GRID2: variants seen among roughly 807,000 people sequenced by gnomAD.
The protein encoded by GRID2 is glutamate receptor ionotropic, delta-2.
In GRID2, 33 loss-of-function variants were observed where a neutral mutation model predicts 114.8. The ratio of observed to expected loss-of-function variants is 0.29; its 90% CI spans 0.22 to 0.38. GRID2 has a LOEUF of 0.38. Ranked by LOEUF, GRID2 falls within the 10% of genes least tolerant of loss-of-function variation. The pLI, the probability that GRID2 is intolerant of heterozygous loss-of-function variation, is 1.00. For missense variants in GRID2, 1,184 were observed against 1,257.7 expected (o/e 0.94, Z 0.89); for synonymous variants, 505 against 449.9 (o/e 1.12, Z -1.55).
At chr4:93,458,790 A>C (rs1723441729) in intron 11 of GRID2, among the ~76,000 whole-genome samples, 1 of 152,200 alleles carries the variant, frequency 6.6e-6, no homozygotes, top group Non-Finnish European at 1.5e-5. Context: ...ATGATTGTAG[A>C]TCATTTTGAT....
At chr4:93,126,944 C>T (rs944456098) in intron 4 of GRID2, among the ~76,000 whole-genome samples, 1 of 152,050 alleles carries the variant, frequency 6.6e-6, no homozygotes, top group Non-Finnish European at 1.5e-5. Context: ...TATTGCTGTC[C>T]TATGATAATT....
chr4:93,765,348 G>A (rs1406658795), intron 14 of GRID2, among the ~76,000 whole-genome samples: 1 of 151,974 alleles, frequency 6.6e-6, no homozygotes, highest in South Asian at 2.1e-4. Context: ...GGGTCAGATG[G>A]TCCAATTTCT....
intron 11 of GRID2, among the ~76,000 whole-genome samples, chr4:93,483,047 G>A (rs1317044681): frequency 6.6e-6 from 1 of 151,884 alleles, no homozygotes; most frequent in Admixed American, 6.6e-5. Context: ...AAGGTGACTG[G>A]CATAAATGAA....
chr4:93,041,423 A>G (rs1725504619), intron 2 of GRID2, among the ~76,000 whole-genome samples: 1 of 152,180 alleles, frequency 6.6e-6, no homozygotes, highest in Admixed American at 6.5e-5. Context: ...TACTTAGGTT[A>G]GTGTCAACTG....
At chr4:92,900,259 G>A (rs1478275853) in intron 2 of GRID2, among the ~76,000 whole-genome samples, 2 of 152,056 alleles carry the variant, frequency 1.3e-5, no homozygotes, top group African/African-American at 4.8e-5. Context: ...ATCATTTAAC[G>A]TTTTATCTAC....
intron 2 of GRID2, among the ~76,000 whole-genome samples, chr4:92,692,365 T>G (rs1734219817): frequency 6.6e-6 from 1 of 152,172 alleles, no homozygotes; most frequent in African/African-American, 2.4e-5. Flanking sequence ...TTTTATCTTT[T>G]ATATAGTCCA....
chr4:92,760,384 T>C (rs1459805925), intron 2 of GRID2, among the ~76,000 whole-genome samples: 1 of 152,064 alleles, frequency 6.6e-6, no homozygotes, highest in Non-Finnish European at 1.5e-5. Context: ...CAGAAGGCTC[T>C]CGATCCTTTT....
chr4:92,677,965 C>A (rs1733460535), intron 2 of GRID2, among the ~76,000 whole-genome samples: 1 of 152,036 alleles, frequency 6.6e-6, no homozygotes, highest in Admixed American at 6.6e-5. Context: ...TCCAGTCATT[C>A]CTTAGTCACT....
At chr4:93,150,110 G>C (rs1225347186) in intron 4 of GRID2, among the ~76,000 whole-genome samples, 2 of 152,272 alleles carry the variant, frequency 1.3e-5, no homozygotes, top group East Asian at 3.9e-4. Context: ...TTAAGAGCTA[G>C]AGTTGCCCCA....
intron 7 of GRID2, among the ~76,000 whole-genome samples, chr4:93,237,735 CAT>C (rs1490178145): frequency 6.6e-6 from 1 of 151,818 alleles, no homozygotes; most frequent in East Asian, 1.9e-4. Context: ...GAACATCTGT[CAT>C]ATTGAATGAA....
chr4:92,414,257 C>T (rs1731482660), intron 1 of GRID2, among the ~76,000 whole-genome samples: 1 of 151,980 alleles, frequency 6.6e-6, no homozygotes, highest in Non-Finnish European at 1.5e-5. Context: ...AGAAAACATA[C>T]TAGAGATATA....
intron 14 of GRID2, among the ~76,000 whole-genome samples, chr4:93,694,378 G>T (rs761900154): frequency 1.2e-4 from 18 of 152,114 alleles, no homozygotes; most frequent in Admixed American, 2.6e-4. Context: ...CCATTCAGTA[G>T]GTCTTCCACA....
In GRID2 at chr4:93,195,978, A is replaced by G. The variant is rs538061449; in HGVS notation, c.736-11426A>G. 1.9e-4 allele frequency among the ~76,000 whole-genome samples: 29 copies of G among 152,228 alleles called. No homozygotes were observed. In the South Asian group the frequency reaches 4.4e-3, roughly 23 times the overall value. ...TCTAGAATTCTGCTCTGCAAGTGAC[A>G]TTTTGTTTGAGCAGTTGGCATCTGG... On this transcript the variant is annotated intron_variant, in intron 4 of 15. Transcript: ENST00000282020.
chr4:92,917,460 C>T (rs1326480802), intron 2 of GRID2, among the ~76,000 whole-genome samples: 2 of 152,132 alleles, frequency 1.3e-5, no homozygotes, highest in Non-Finnish European at 2.9e-5. Context: ...AATGGTATTG[C>T]ATAGGTTTTC....
At chr4:92,527,816 T>G (rs2149146309) in intron 1 of GRID2, among the ~76,000 whole-genome samples, 1 of 152,150 alleles carries the variant, frequency 6.6e-6, no homozygotes, top group East Asian at 1.9e-4. Context: ...ACCTCAAACT[T>G]TACTAAATAA....
In GRID2 at chr4:92,587,873, C is replaced by A. The variant is rs560903993; in HGVS notation, c.89-2258C>A. Among the ~76,000 whole-genome samples, 190 of 152,198 alleles carry A rather than the reference C, an allele frequency of 1.2e-3. No individual in the cohort carries two copies. In the Middle Eastern group the frequency reaches 0.014, roughly 11 times the overall value. ...AATGTATTACCAATACAGCAGAAGT[C>A]AATAACGTCACCTGCTATAAAACAA... On this transcript the variant is annotated intron_variant, in intron 1 of 15. Transcript: ENST00000282020.
intron 1 of GRID2, among the ~76,000 whole-genome samples, chr4:92,324,770 G>A (rs1579181854): frequency 6.6e-6 from 1 of 151,910 alleles, no homozygotes; most frequent in South Asian, 2.1e-4. Context: ...ATATGGATAT[G>A]CATTTGTCAC....
chr4:92,710,511 C>G (rs916409221), intron 2 of GRID2, among the ~76,000 whole-genome samples: 1 of 152,192 alleles, frequency 6.6e-6, no homozygotes, highest in Non-Finnish European at 1.5e-5. Context: ...GAGGAATGCT[C>G]TCAACTTTTG....
At chr4:93,634,453 T>C (rs1406065488) in intron 14 of GRID2, among the ~76,000 whole-genome samples, 1 of 152,164 alleles carries the variant, frequency 6.6e-6, no homozygotes, top group African/African-American at 2.4e-5. Flanking sequence ...TTATAAAGCA[T>C]CTACTACACT....
Sources: gnomAD v4.1 joint callset for allele counts (sites outside exome capture counted in the v4.1 genomes callset) on GRCh38, gnomAD v4.1.1 for gene constraint, MANE v1.5 for transcripts, NCBI Gene and HGNC (gene_info 2026-07-23, HGNC 2026-07-21) for gene names.